Variants in SEMA5A observed in about 807,000 individuals in gnomAD.
SEMA5A encodes the protein semaphorin 5A.
Under a neutral mutation model 135.5 loss-of-function variants are expected in SEMA5A, and 55 were observed. That is an observed-to-expected ratio of 0.41 (90% confidence interval 0.33 to 0.51). SEMA5A has a LOEUF of 0.51. Among genes scored for constraint, SEMA5A ranks in the 20% least tolerant of loss-of-function variants. SEMA5A has a pLI of 0.37. For missense variants in SEMA5A, 1,290 were observed against 1,419.9 expected (o/e 0.91, Z 1.47); for synonymous variants, 580 against 546.5 (o/e 1.06, Z -0.85).
chr5:9,461,161 T>G (rs1242273012), intron 1 of SEMA5A, among the ~76,000 whole-genome samples: 3 of 152,210 alleles, frequency 2.0e-5, no homozygotes. Flanking sequence ...ATGGAAATGA[T>G]GGTTAAAAGC....
At chr5:9,508,772 G>T (rs1228443272) in intron 1 of SEMA5A, among the ~76,000 whole-genome samples, 1 of 152,076 alleles carries the variant, frequency 6.6e-6, no homozygotes, top group Admixed American at 6.6e-5. Context: ...CTGTAGTCAT[G>T]TTGCAACTAC....
At chr5:9,510,564 C>T (rs181008071) in intron 1 of SEMA5A, among the ~76,000 whole-genome samples, 15 of 152,108 alleles carry the variant, frequency 9.9e-5, no homozygotes, top group African/African-American at 2.6e-4. Context: ...GTTTTATAAA[C>T]GGGTTATAGC....
intron 13 of SEMA5A, among the ~76,000 whole-genome samples, chr5:9,126,565 AAAAAG>A (rs1380935542): frequency 1.3e-5 from 2 of 151,970 alleles, no homozygotes; most frequent in Admixed American, 6.6e-5. Flanking sequence ...GCAAAAAAAA[AAAAAG>A]AGCTGAATTA....
intron 15 of SEMA5A, among the ~76,000 whole-genome samples, chr5:9,109,027 AATTTTTTTTTT>A (rs1270804706): frequency 1.7e-5 from 2 of 118,956 alleles, no homozygotes; most frequent in Admixed American, 1.9e-4. Flanking sequence ...ATTTCTCTTC[AATTTTTTTTTT>A]TTTTTTTTTT....
intron 12 of SEMA5A, among the ~76,000 whole-genome samples, chr5:9,144,245 C>T (rs932237364): frequency 1.3e-5 from 2 of 152,094 alleles, no homozygotes; most frequent in African/African-American, 2.4e-5. Flanking sequence ...TACTTATTTG[C>T]TATATAACAT....
intron 3 of SEMA5A, among the ~76,000 whole-genome samples, chr5:9,373,669 G>A (rs1226183835): frequency 6.6e-6 from 1 of 152,212 alleles, no homozygotes; most frequent in Non-Finnish European, 1.5e-5. Context: ...ATAGGGCCCT[G>A]CCTGATTCTG....
At chr5:9,517,359 C>T (rs528963677) in intron 1 of SEMA5A, 51 of 152,326 alleles carry the variant, frequency 3.3e-4, no homozygotes, top group African/African-American at 1.2e-3. Flanking sequence ...GTGCATGTGG[C>T]ATCAATACTC....
intron 12 of SEMA5A, among the ~76,000 whole-genome samples, chr5:9,146,379 A>G (rs752996493): frequency 6.6e-6 from 1 of 152,208 alleles, no homozygotes; most frequent in Non-Finnish European, 1.5e-5. Flanking sequence ...TGTGTCATAC[A>G]GATGTCTTCA....
intron 1 of SEMA5A, among the ~76,000 whole-genome samples, chr5:9,542,324 C>A (rs1738136905): frequency 1.3e-5 from 2 of 152,192 alleles, no homozygotes; most frequent in Non-Finnish European, 2.9e-5. Flanking sequence ...TTCAACCAAA[C>A]TTCTGCATCT....
intron 3 of SEMA5A, among the ~76,000 whole-genome samples, chr5:9,371,410 T>C (rs1170227037): frequency 2.0e-5 from 3 of 152,216 alleles, no homozygotes; most frequent in Non-Finnish European, 4.4e-5. Flanking sequence ...ACCAATTCTC[T>C]TTGTTAATAA....
At chr5:9,464,242 T>C (rs1162360236) in intron 1 of SEMA5A, among the ~76,000 whole-genome samples, 1 of 152,190 alleles carries the variant, frequency 6.6e-6, no homozygotes, top group East Asian at 1.9e-4. Flanking sequence ...AACTTTCAAA[T>C]GAGGCCTTGA....
chr5:9,299,432 G>A lies in SEMA5A; in HGVS notation c.270+18940C>T, dbSNP rs191509897. 2.4e-3 allele frequency among the ~76,000 whole-genome samples: 366 copies of A among 152,306 alleles called. 1 individual carries two copies. Among genetic ancestry groups the A allele is most frequent in the Middle Eastern group, 0.014 (4 of 294 alleles). ...TTGGAGGAAATCAAGCAAACACCCA[G>A]GAGAAAGGCAAGTTGGGGATGATGA... is the stretch of plus-strand genomic sequence containing the variant. On this transcript the variant is annotated intron_variant, in intron 5 of 22. Coordinates refer to ENST00000382496, the MANE Select transcript of SEMA5A (RefSeq NM_003966.3).
chr5:9,221,527 C>T (rs1253121133), intron 8 of SEMA5A, among the ~76,000 whole-genome samples: 14 of 152,034 alleles, frequency 9.2e-5, no homozygotes, highest in East Asian at 5.8e-4. Flanking sequence ...TGGTCTCGAT[C>T]TCCTGACCTC....
intron 1 of SEMA5A, among the ~76,000 whole-genome samples, chr5:9,483,960 A>G (rs1759979976): frequency 6.6e-6 from 1 of 152,216 alleles, no homozygotes; most frequent in South Asian, 2.1e-4. Context: ...ATCAACAGAC[A>G]GGAAGTAACA....
intron 12 of SEMA5A, among the ~76,000 whole-genome samples, chr5:9,147,910 A>G (rs62342338): frequency 0.13 from 20,180 of 152,224 alleles, 1,765 homozygotes; most frequent in Non-Finnish European, 0.19. Flanking sequence ...TTTAACAAAT[A>G]TTATATTTAC....
intron 5 of SEMA5A, among the ~76,000 whole-genome samples, chr5:9,280,168 C>T (rs1750466773): frequency 6.6e-6 from 1 of 152,152 alleles, no homozygotes; most frequent in Admixed American, 6.5e-5. Context: ...GGGCTTTGTA[C>T]ACTGACAGAT....
At chr5:9,384,874 G>A (rs530234899) in intron 2 of SEMA5A, among the ~76,000 whole-genome samples, 160 of 152,244 alleles carry the variant, frequency 1.1e-3, no homozygotes, top group African/African-American at 3.5e-3. Flanking sequence ...TTTGTGTTGA[G>A]TCATTCAGGC....
intron 1 of SEMA5A, among the ~76,000 whole-genome samples, chr5:9,466,382 TA>T (rs10608363): frequency 8.7e-4 from 125 of 143,084 alleles, no homozygotes; most frequent in East Asian, 1.7e-3. Context: ...TAATAAAATT[TA>T]AAAAAAAAAA....
At chr5:9,098,237 CAATAAATAAATAAATA>C (rs3063984) in intron 16 of SEMA5A, among the ~76,000 whole-genome samples, 346 of 140,304 alleles carry the variant, frequency 2.5e-3, no homozygotes, top group African/African-American at 6.8e-3. Flanking sequence ...GACTCTGTCT[CAATAAATAAATAAATA>C]AATAAATAAA....
Sources: allele counts gnomAD v4.1 joint callset (sites outside exome capture counted in the v4.1 genomes callset), GRCh38; gene constraint gnomAD v4.1.1; transcripts MANE v1.5; gene names NCBI Gene and HGNC (gene_info 2026-07-23, HGNC 2026-07-21).